The following PCNT variants were observed in gnomAD, a reference collection of about 807,000 sequenced individuals.
PCNT encodes pericentrin.
A neutral mutation model predicts 380.4 loss-of-function variants in PCNT; 319 were observed. That is an observed-to-expected ratio of 0.84 (90% CI 0.77 to 0.92). The LOEUF is 0.92. Ranked by LOEUF, PCNT falls within the 40% of genes least tolerant of loss-of-function variation. The pLI, the probability that PCNT is intolerant of heterozygous loss-of-function variation, is 0.00. For synonymous variants in PCNT, 1,845 were observed against 1,735.2 expected, an observed-to-expected ratio of 1.06 and a Z score of -1.57; for missense variants, 4,400 against 4,255.3, an observed-to-expected ratio of 1.03 and a Z score of -0.95.
chr21:46,337,339 C>G (rs1453034014), intron 3 of PCNT, among the ~76,000 whole-genome samples: 1 of 152,066 alleles, frequency 6.6e-6, no homozygotes, highest in Non-Finnish European at 1.5e-5. Context: ...AATTAGCAAC[C>G]CACATCATAT....
In PCNT at chr21:46,445,424, ACTC is replaced by A; in HGVS notation, c.*98_*100del. Reference sequence around the variant, plus strand: ...AAGCTCGTGGGACAGCATGGGCACTACTCTTCATGTGCGGTGACACCAGCCCCC... The same window carrying A: ...AAGCTCGTGGGACAGCATGGGCACTATTCATGTGCGGTGACACCAGCCCCC... On this transcript the variant is annotated 3_prime_UTR_variant, in exon 47 of 47. Transcript: ENST00000359568. 1 of 931,428 alleles carries A rather than the reference ACTC, an allele frequency of 1.1e-6. No homozygotes were observed. Among genetic ancestry groups the A allele is most frequent in the Non-Finnish European group, 1.8e-6 (1 of 556,372 alleles). The allele number at this position is 931,428 out of a possible 1,614,324, so 57.7% of individuals were successfully genotyped here. A position where few individuals can be genotyped will look rare whatever the true frequency, so the allele number is the denominator to read the frequency against.
At chr21:46,401,471 G>T in intron 25 of PCNT, 80 bp from the exon 26 acceptor site, 1 of 1,135,748 alleles carries the variant, frequency 8.8e-7, no homozygotes, top group Non-Finnish European at 1.3e-6. Flanking sequence ...GCTAAAGATG[G>T]TCTGTGCTTT....
At chr21:46,436,929 T>C in intron 39 of PCNT, 50 bp from the exon 40 acceptor site, 1 of 1,298,506 alleles carries the variant, frequency 7.7e-7, no homozygotes, top group Non-Finnish European at 1.1e-6. Context: ...TTTTGCATAA[T>C]GGTCACTTGG....
In PCNT at chr21:46,437,093, G is replaced by A. The variant is rs140828051; in HGVS notation, c.9099+12G>A. ...CCACCTCCTCCCAGGTAAGGGGTGA[G>A]CGCCCCCAGGTCCCTGGCCTGGCTC... On this transcript the variant is annotated intron_variant, in intron 40 of 46. Coordinates refer to ENST00000359568, the MANE Select transcript of PCNT (RefSeq NM_006031.6). 1,259 of 1,595,790 alleles carry A rather than the reference G, an allele frequency of 7.9e-4. 5 individuals carry two copies. The African/African-American group carries it at 0.015, about 19-fold the overall frequency.
Position 46,334,526 on chromosome 21 carries a change from T to A in PCNT, c.397T>A (p.Phe133Ile), listed in dbSNP as rs1397737738. 6.2e-7 allele frequency: 1 copy of A among 1,601,374 alleles called. No homozygotes were observed. ...SDHPPEQHGM[F>I]TVGDHPPEQR... ...CCACCCACCAGAACAGCATGGGATGTTCACAGTCGGTGACCACCCACCAGA... is the reference window on the plus strand; with the variant it reads ...CCACCCACCAGAACAGCATGGGATGATCACAGTCGGTGACCACCCACCAGA... The change falls in exon 3 of 47, where the codon TTC (phenylalanine) becomes ATC (isoleucine). Residue 133 changes from phenylalanine to isoleucine, a missense_variant. By Grantham distance (21) the Phe-to-Ile change is conservative. Coordinates refer to ENST00000359568, the MANE Select transcript of PCNT (RefSeq NM_006031.6).
At position 46,353,751 on chromosome 21, in the gene PCNT, T is replaced by TGAGA. The variant is rs1555954604; in HGVS notation, c.1680-231_1680-228dup. ...GTGTGTGTGTGTGTGTGTGTGTGTG[T>TGAGA]GAGAGAGACAGAGAGAGAGTCAGTG... On this transcript the variant is annotated intron_variant, in intron 10 of 46. Coordinates refer to ENST00000359568, the MANE Select transcript of PCNT (RefSeq NM_006031.6). Among the ~76,000 whole-genome samples, 846 of 104,398 alleles carry TGAGA rather than the reference T, an allele frequency of 8.1e-3. 7 individuals carry two copies. Among genetic ancestry groups the TGAGA allele is most frequent in the African/African-American group, 0.029 (798 of 27,656 alleles). The allele number at this position is 104,398 out of a possible 152,430, so 68.5% of individuals were successfully genotyped here. A position where few individuals can be genotyped will look rare whatever the true frequency, so the allele number is the denominator to read the frequency against.
Position 46,354,121 on chromosome 21 carries a change from G to A in PCNT, c.1761+53G>A, listed in dbSNP as rs1485597043. The stretch of plus-strand genomic sequence containing the variant: ...GGAGTCCTGTGCTCTTGACCTTCCA[G>A]CCCTGCGTCTTCCACATTATAGAGC... On this transcript the variant is annotated intron_variant, in intron 11 of 46. Coordinates refer to ENST00000359568, the MANE Select transcript of PCNT (RefSeq NM_006031.6). 7 of 1,452,828 alleles carry A rather than the reference G, an allele frequency of 4.8e-6. No homozygotes were observed. In the East Asian group the frequency reaches 1.6e-4, roughly 33 times the overall value. 90.0% of individuals were successfully genotyped at this position (1,452,828 alleles called of 1,614,324 possible).
chr21:46,354,174 C>A, intron 11 of PCNT, 106 bp downstream of exon 11: 2 of 1,040,618 alleles, frequency 1.9e-6, no homozygotes, highest in East Asian at 2.5e-5. Context: ...CCACCTTGTC[C>A]AGGGGAGGAA....
rs79203677 is a variant in PCNT, at chr21:46,431,261, A to G, written c.8065-268A>G. 71,966 of 1,327,052 alleles carry G rather than the reference A, an allele frequency of 0.054. 2,274 individuals are homozygous for G. Among genetic ancestry groups the G allele is most frequent in the Non-Finnish European group, 0.06 (62,267 of 1,033,418 alleles). 82.2% of individuals were successfully genotyped at this position (1,327,052 alleles called of 1,614,324 possible). On this transcript the variant is annotated intron_variant, in intron 37 of 46. Transcript: ENST00000359568. ...GGGGGCGGGCAGGGGACATCTCTGA[A>G]TCATTTTCTGGAGAGGGACAGACTG...
chr21:46,332,148 G>A (rs2083580001), intron 2 of PCNT, among the ~76,000 whole-genome samples: 1 of 152,170 alleles, frequency 6.6e-6, no homozygotes, highest in South Asian at 2.1e-4. Flanking sequence ...GGACAAGAGC[G>A]AGACTTTATC....
At chr21:46,442,467 T>C in intron 43 of PCNT, 30 bp from the exon 44 acceptor site, 1 of 1,429,244 alleles carries the variant, frequency 7.0e-7, no homozygotes, top group Non-Finnish European at 9.9e-7. Context: ...TGCCGTACTT[T>C]TAAGTGTGTC....
At chr21:46,368,289 C>CA (rs929945687) in intron 15 of PCNT, among the ~76,000 whole-genome samples, 44 of 151,044 alleles carry the variant, frequency 2.9e-4, no homozygotes, top group African/African-American at 7.3e-4. Flanking sequence ...ACTAAAAATC[C>CA]AAAAAAAAAT....
At chr21:46,352,861 C>G (rs1556342) in intron 9 of PCNT, among the ~76,000 whole-genome samples, 46 of 152,220 alleles carry the variant, frequency 3.0e-4, no homozygotes, top group Admixed American at 7.2e-4. Context: ...CCCCACATCC[C>G]TGCCACTTCG....
In PCNT at chr21:46,418,201, C is replaced by T. The variant is rs761047697; in HGVS notation, c.6922-3C>T. ...TTATGACCATTTAAAAATCTCTTAACAGGAGAAAGATGTCGAAGATTTTAT... is the reference window on the plus strand; with the variant it reads ...TTATGACCATTTAAAAATCTCTTAATAGGAGAAAGATGTCGAAGATTTTAT... On this transcript the variant is annotated splice_region_variant and splice_polypyrimidine_tract_variant and intron_variant, in intron 30 of 46. Coordinates refer to ENST00000359568, the MANE Select transcript of PCNT (RefSeq NM_006031.6). 2.6e-6 allele frequency: 4 copies of T among 1,553,186 alleles called. No homozygotes were observed. Among genetic ancestry groups the T allele is most frequent in the Non-Finnish European group, 2.7e-6 (3 of 1,125,910 alleles).
intron 9 of PCNT, among the ~76,000 whole-genome samples, chr21:46,351,742 A>G: frequency 6.6e-6 from 1 of 152,244 alleles, no homozygotes; most frequent in East Asian, 1.9e-4. Context: ...ATGCTAAGCA[A>G]GTCAGTGCAG....
chr21:46,388,780 T>G lies in PCNT; in HGVS notation c.3503T>G (p.Leu1168Trp). 4.3e-6 allele frequency: 7 copies of G among 1,613,782 alleles called. No individual in the cohort carries two copies. Among genetic ancestry groups the G allele is most frequent in the Non-Finnish European group, 5.1e-6 (6 of 1,179,958 alleles). ...GACGCCCTGCGCAGGCTGCTGGGTT[T>G]GTTTGGAGAGACGCTGAGGGCAGCC... Reference protein sequence around the residue: ...LQDALRRLLGLFGETLRAAVT... With the variant: ...LQDALRRLLGWFGETLRAAVT... Residue 1168 changes from leucine (L) to tryptophan (W), a missense_variant, in exon 18 of 47, where the codon TTG becomes TGG. By Grantham distance (61) the Leu-to-Trp change is moderately conservative (BLOSUM62 -2). Transcript: ENST00000359568. This position sits in a 1 kb window ranked among gnomAD's most constrained non-coding sequence, Gnocchi z 4.2.
intron 1 of PCNT, among the ~76,000 whole-genome samples, chr21:46,325,381 AGGAGGGT>A (rs1351206952): frequency 6.9e-6 from 1 of 145,120 alleles, no homozygotes. Context: ...CAGAGCTCCC[AGGAGGGT>A]GGAGGGGGGA....
chr21:46,340,368 A>G (rs2083879500), intron 3 of PCNT, among the ~76,000 whole-genome samples: 1 of 152,224 alleles, frequency 6.6e-6, no homozygotes, highest in South Asian at 2.1e-4. Flanking sequence ...CGTATAGCTC[A>G]GCCCACTTTT....
chr21:46,397,782 G>A (rs1394109976), intron 22 of PCNT, among the ~76,000 whole-genome samples: 1 of 147,674 alleles, frequency 6.8e-6, no homozygotes, highest in African/African-American at 2.5e-5. Flanking sequence ...AGCTCTCACT[G>A]GTTCTTGTCC....
Sources: allele counts gnomAD v4.1 joint callset (sites outside exome capture counted in the v4.1 genomes callset), GRCh38; gene constraint gnomAD v4.1.1; non-coding constraint Gnocchi (gnomAD v3.1); transcripts MANE v1.5; gene names NCBI Gene and HGNC (gene_info 2026-07-23, HGNC 2026-07-21).